PAX7: variants seen among roughly 807,000 people sequenced by gnomAD.
The protein encoded by PAX7 is paired box 7, also known as paired box protein Pax-7.
In PAX7, 18 loss-of-function variants were observed where a neutral mutation model predicts 50.7. The ratio of observed to expected loss-of-function variants is 0.36; its 90% CI spans 0.25 to 0.53. The LOEUF (loss-of-function observed/expected upper bound fraction) is 0.53. Among genes scored for constraint, PAX7 ranks in the 20% least tolerant of loss-of-function variants. The pLI is 0.93. For missense variants in PAX7, 644 were observed against 702.9 expected, an observed-to-expected ratio of 0.92 and a Z score of 0.95; for synonymous variants, 310 against 290.4, an observed-to-expected ratio of 1.07 and a Z score of -0.69.
chr1:18,721,715 A>G (rs2089497388), intron 7 of PAX7, among the ~76,000 whole-genome samples: 1 of 152,154 alleles, frequency 6.6e-6, no homozygotes, highest in African/African-American at 2.4e-5. Flanking sequence ...AAAAAGAACC[A>G]TTTCTGCTCC....
chr1:18,706,055 G>C (rs1428814671), intron 7 of PAX7, among the ~76,000 whole-genome samples: 3 of 152,172 alleles, frequency 2.0e-5, no homozygotes, highest in Non-Finnish European at 4.4e-5. Context: ...TGAAGGACGG[G>C]TGCAGCGAGC....
intron 8 of PAX7, among the ~76,000 whole-genome samples, chr1:18,741,995 G>A (rs181541144): frequency 1.3e-5 from 2 of 152,160 alleles, no homozygotes; most frequent in Admixed American, 1.3e-4. Flanking sequence ...TGTAAGATGC[G>A]GATACCACCA....
Position 18,636,798 on chromosome 1 carries a change from C to T in PAX7, c.586+427C>T, listed in dbSNP as rs1407760550. 6.6e-6 allele frequency among the ~76,000 whole-genome samples: 1 copy of T among 152,128 alleles called. No individual in the cohort carries two copies. Among genetic ancestry groups the T allele is most frequent in the Non-Finnish European group, 1.5e-5 (1 of 68,024 alleles). On this transcript the variant is annotated intron_variant, in intron 4 of 8. Coordinates refer to ENST00000420770, the MANE Select transcript of PAX7 (RefSeq NM_001135254.2). This position sits in a 1 kb window ranked among gnomAD's most constrained non-coding sequence, Gnocchi z 5.1. Reference sequence around the variant, plus strand: ...GAGGGAGAGAGGAAGGAGGAGCCGGCCCGCGGCTCCCTAAATGAATTTGTT... The same window carrying T: ...GAGGGAGAGAGGAAGGAGGAGCCGGTCCGCGGCTCCCTAAATGAATTTGTT...
At chr1:18,727,006 G>A (rs1473127774) in intron 7 of PAX7, among the ~76,000 whole-genome samples, 1 of 152,204 alleles carries the variant, frequency 6.6e-6, no homozygotes, top group Non-Finnish European at 1.5e-5. Context: ...CCCTATACAT[G>A]TGCAGTGCTC....
intron 1 of PAX7, among the ~76,000 whole-genome samples, chr1:18,633,298 A>G (rs1313588267): frequency 6.6e-6 from 1 of 152,192 alleles, no homozygotes; most frequent in Non-Finnish European, 1.5e-5. Context: ...GCAGCCGCTG[A>G]GTCCCCAAAT....
At position 18,632,937 on chromosome 1, in the gene PAX7, T is replaced by C. The variant is rs2088079954; in HGVS notation, c.85+1249T>C. On this transcript the variant is annotated intron_variant, in intron 1 of 8. Transcript: ENST00000420770. The surrounding 1 kb of genome is among the most constrained non-coding windows in gnomAD (Gnocchi z 6.3). ...CAGGCGGCTGAGGACGCGCGGCGGA[T>C]TAGAACAATATTTGCCCAACATGAC... 6.6e-6 allele frequency among the ~76,000 whole-genome samples: 1 copy of C among 152,172 alleles called. No individual in the cohort carries two copies. The highest frequency in any genetic ancestry group is 1.5e-5 in the Non-Finnish European group (1 of 68,026).
intron 4 of PAX7, among the ~76,000 whole-genome samples, chr1:18,637,282 C>T (rs1419184217): frequency 2.0e-5 from 3 of 152,158 alleles, no homozygotes; most frequent in Non-Finnish European, 4.4e-5. Context: ...CCTCATTGCC[C>T]TCATAATTCC....
intron 7 of PAX7, among the ~76,000 whole-genome samples, chr1:18,734,583 G>T (rs2089688186): frequency 6.6e-6 from 1 of 152,178 alleles, no homozygotes; most frequent in East Asian, 1.9e-4. Context: ...TTCCTGGAGA[G>T]CTAGACAGCA....
At chr1:18,682,178 A>T (rs1456591881) in intron 4 of PAX7, among the ~76,000 whole-genome samples, 3 of 152,036 alleles carry the variant, frequency 2.0e-5, no homozygotes, top group African/African-American at 7.2e-5. Flanking sequence ...CCTCTCCTTG[A>T]GTTGGGAGAG....
intron 7 of PAX7, among the ~76,000 whole-genome samples, chr1:18,714,494 T>C (rs945470457): frequency 1.1e-4 from 16 of 152,350 alleles, no homozygotes; most frequent in African/African-American, 3.4e-4. Flanking sequence ...GAAGTCTTGC[T>C]AGGTTTCTCT....
intron 8 of PAX7, among the ~76,000 whole-genome samples, chr1:18,744,580 G>T (rs1931331741): frequency 6.6e-6 from 1 of 151,270 alleles, no homozygotes; most frequent in South Asian, 2.1e-4. Flanking sequence ...GCATGGATAT[G>T]GCTGGATGGA....
At chr1:18,690,857 C>T (rs1226954203) in intron 4 of PAX7, among the ~76,000 whole-genome samples, 1 of 152,196 alleles carries the variant, frequency 6.6e-6, no homozygotes, top group Non-Finnish European at 1.5e-5. Flanking sequence ...AATCCAAACC[C>T]TTCATGTCAC....
intron 2 of PAX7, 97 bp from the exon 3 acceptor site, chr1:18,635,014 C>T: frequency 6.9e-7 from 1 of 1,457,530 alleles, no homozygotes. Context: ...ACCAGAACCA[C>T]CAGCCTGGTC....
At chr1:18,642,444 C>T (rs916659314) in intron 4 of PAX7, among the ~76,000 whole-genome samples, 5 of 152,182 alleles carry the variant, frequency 3.3e-5, no homozygotes, top group Admixed American at 6.5e-5. Flanking sequence ...AAGAAAGGTT[C>T]TCTAGAGGCT....
In PAX7 at chr1:18,735,536, A is replaced by T. The variant is rs946966664; in HGVS notation, c.1156-96A>T. ...AGACTTCAAGGGAACAACTCTGGCAAAGAGTGTTCCAGGGCCAGCCTGGCA... is the reference window on the plus strand; with the variant it reads ...AGACTTCAAGGGAACAACTCTGGCATAGAGTGTTCCAGGGCCAGCCTGGCA... On this transcript the variant is annotated intron_variant, in intron 7 of 8. Transcript: ENST00000420770. This position sits in a 1 kb window ranked among gnomAD's most constrained non-coding sequence, Gnocchi z 4.0. The T allele has an allele frequency of 1.8e-5, 28 of 1,528,722 alleles. No homozygotes were observed. The highest frequency in any genetic ancestry group is 2.4e-5 in the Non-Finnish European group (27 of 1,134,692). 94.7% of individuals were successfully genotyped at this position (1,528,722 alleles called of 1,614,324 possible).
At chr1:18,687,628 T>C (rs2088996660) in intron 4 of PAX7, among the ~76,000 whole-genome samples, 1 of 152,092 alleles carries the variant, frequency 6.6e-6, no homozygotes, top group Non-Finnish European at 1.5e-5. Context: ...TAGTGGATGC[T>C]CTTTTTTAGG....
intron 7 of PAX7, among the ~76,000 whole-genome samples, chr1:18,716,982 GGC>G (rs1491464478): frequency 0.51 from 7,067 of 13,752 alleles, 265 homozygotes; most frequent in Middle Eastern, 0.56. Context: ...TTGGGGCGGC[GGC>G]CGGAGCGGGG....
rs553126851 is a variant in PAX7 at position 18,639,009 on chromosome 1, T to C, written c.586+2638T>C. Among the ~76,000 whole-genome samples the C allele has an allele frequency of 1.4e-3, 211 of 152,330 alleles. 1 individual carries two copies. The highest frequency in any genetic ancestry group is 2.5e-3 in the Admixed American group (38 of 15,308). ...CTTCTTGCTCTTGAAAAATGCTTTCTCTGGGGGAGTTGCCCCTCTCATGGC... is the reference window on the plus strand; with the variant it reads ...CTTCTTGCTCTTGAAAAATGCTTTCCCTGGGGGAGTTGCCCCTCTCATGGC... On this transcript the variant is annotated intron_variant, in intron 4 of 8. Coordinates refer to ENST00000420770, the MANE Select transcript of PAX7 (RefSeq NM_001135254.2).
intron 7 of PAX7, among the ~76,000 whole-genome samples, chr1:18,724,633 G>C (rs2089535168): frequency 6.6e-6 from 1 of 152,150 alleles, no homozygotes; most frequent in Admixed American, 6.5e-5. Context: ...AAGGCCCCTG[G>C]GTGGATGCTA....
Sources: allele counts gnomAD v4.1 joint callset (sites outside exome capture counted in the v4.1 genomes callset), GRCh38; gene constraint gnomAD v4.1.1; non-coding constraint Gnocchi (gnomAD v3.1); transcripts MANE v1.5; gene names NCBI Gene and HGNC (gene_info 2026-07-23, HGNC 2026-07-21).